PHKA2: variants seen among roughly 807,000 people sequenced by gnomAD.
PHKA2 encodes the protein phosphorylase kinase regulatory subunit alpha 2.
Under a neutral mutation model 102.0 loss-of-function variants are expected in PHKA2, and 31 were observed. That is an observed-to-expected ratio of 0.30 (90% CI 0.23 to 0.41). PHKA2 has a LOEUF of 0.41. PHKA2 is among the 10% of genes least tolerant of loss of function. The pLI is 1.00. For synonymous variants in PHKA2, 455 were observed against 416.2 expected (o/e 1.09, Z -1.13); for missense variants, 858 against 1,023.1 (o/e 0.84, Z 2.20).
chrX:18,902,906 C>T (rs775825445), intron 26 of PHKA2: 5 of 111,960 alleles, frequency 4.5e-5, no homozygotes, highest in South Asian at 7.4e-4. Context: ...GGTGAGACCT[C>T]GTATCTATAT....
chrX:18,906,818 G>A lies in PHKA2; in HGVS notation c.2598-4C>T, dbSNP rs781539015. ...GAGCTCCTCTGGGGGAAGGGGCCTAGAAAGGAGCATTGTGTCACGAATGTG... is the reference window on the plus strand; with the variant it reads ...GAGCTCCTCTGGGGGAAGGGGCCTAAAAAGGAGCATTGTGTCACGAATGTG... On this transcript the variant is annotated splice_region_variant and splice_polypyrimidine_tract_variant and intron_variant, in intron 23 of 32. Coordinates refer to ENST00000379942, the MANE Select transcript of PHKA2 (RefSeq NM_000292.3). The A allele has an allele frequency of 5.8e-6, 7 of 1,200,632 alleles. No individual in the cohort carries two copies. The African/African-American group carries it at 1.0e-4, about 18-fold the overall frequency.
At chrX:18,979,332 C>T (rs946408001) in intron 1 of PHKA2, among the ~76,000 whole-genome samples, 2 of 111,645 alleles carry the variant, frequency 1.8e-5, no homozygotes, top group Non-Finnish European at 3.8e-5. Context: ...AATTCCGTGG[C>T]CATTAAATAA....
intron 3 of PHKA2, 56 bp from the exon 4 acceptor site, chrX:18,951,328 G>A: frequency 8.8e-7 from 1 of 1,133,681 alleles, no homozygotes; most frequent in Non-Finnish European, 1.2e-6. Flanking sequence ...GGCTGGCAGA[G>A]ATCACGGCCA....
rs192611951 is a variant in PHKA2 at position 18,971,952 on chromosome X, T to A, written c.78+11903A>T. 4.6e-4 allele frequency among the ~76,000 whole-genome samples: 52 copies of A among 113,126 alleles called. No individual in the cohort carries two copies. The East Asian group carries it at 0.013, about 29-fold the overall frequency. On this transcript the variant is annotated intron_variant, in intron 1 of 32. Coordinates refer to ENST00000379942, the MANE Select transcript of PHKA2 (RefSeq NM_000292.3). ...AGCTCATCTTTTAGCCTTGTTTAGA[T>A]AAACTTCTTGTCATAAGAGGTTTTG...
intron 14 of PHKA2, among the ~76,000 whole-genome samples, 175 bp downstream of exon 14, chrX:18,926,278 G>A (rs947178762): frequency 1.2e-4 from 14 of 112,705 alleles, no homozygotes; most frequent in Non-Finnish European, 2.4e-4. Context: ...CACTGAACGG[G>A]TGTGAGAACG....
chrX:18,953,082 G>A (rs2048723832), intron 2 of PHKA2, among the ~76,000 whole-genome samples: 1 of 112,037 alleles, frequency 8.9e-6, no homozygotes, highest in Non-Finnish European at 1.9e-5. Context: ...GTTAATACAT[G>A]AGACACCATG....
chrX:18,959,391 G>A (rs1325571140), intron 1 of PHKA2, among the ~76,000 whole-genome samples: 1 of 111,619 alleles, frequency 9.0e-6, no homozygotes, highest in African/African-American at 3.3e-5. Context: ...AGCTAGGGGA[G>A]GAATCTGCAA....
intron 17 of PHKA2, among the ~76,000 whole-genome samples, chrX:18,923,735 C>T (rs973243583): frequency 3.6e-5 from 4 of 112,317 alleles, no homozygotes; most frequent in African/African-American, 1.3e-4. Flanking sequence ...TTCTTCCACA[C>T]CTTTTAACAG....
Position 18,924,118 on chromosome X carries a change from G to A in PHKA2, c.1731C>T (p.Asp577=), listed in dbSNP as rs973766473. ...TTGTGGAGAGCACAGCAGAATGAAT[G>A]TCTGAGCCATCATTTGCTAAGGAAA... ...SRTMLTNDGS[D]IHSAVLSTIR... The change falls in exon 17 of 33, where the codon GAC becomes GAT. Residue 577 remains aspartate, a synonymous_variant. Transcript: ENST00000379942. 6.6e-6 allele frequency: 8 copies of A among 1,203,976 alleles called. No homozygotes were observed. Among genetic ancestry groups the A allele is most frequent in the Non-Finnish European group, 7.9e-6 (7 of 888,252 alleles).
chrX:18,927,273 G>C (rs924537794), intron 13 of PHKA2, among the ~76,000 whole-genome samples: 15 of 112,346 alleles, frequency 1.3e-4, no homozygotes, highest in Non-Finnish European at 2.6e-4. Flanking sequence ...CCTGGGACCT[G>C]GGGGCCCATG....
chrX:18,948,895 T>A, intron 4 of PHKA2, 69 bp from the exon 5 acceptor site: 1 of 708,048 alleles, frequency 1.4e-6, no homozygotes, highest in Non-Finnish European at 2.3e-6. Flanking sequence ...ATTACAAATA[T>A]CACACTAGGA....
intron 20 of PHKA2, among the ~76,000 whole-genome samples, chrX:18,909,711 C>A (rs2047888462): frequency 8.9e-6 from 1 of 112,220 alleles, no homozygotes; most frequent in African/African-American, 3.2e-5. Context: ...TTGCTTTGAC[C>A]ACTTCTTCAG....
chrX:18,904,785 T>C (rs1031136255), intron 26 of PHKA2, among the ~76,000 whole-genome samples: 1 of 112,392 alleles, frequency 8.9e-6, no homozygotes, highest in East Asian at 2.8e-4. Flanking sequence ...AAAGGAATGA[T>C]AGCCCACAGT....
chrX:18,937,271 T>C (rs1410126270), intron 10 of PHKA2, among the ~76,000 whole-genome samples: 2 of 110,544 alleles, frequency 1.8e-5, no homozygotes, highest in Non-Finnish European at 3.8e-5. Flanking sequence ...CAACAAAGTA[T>C]GCTCAGGGCT....
Position 18,917,003 on chromosome X carries a change from T to C in PHKA2, c.2137+1678A>G, listed in dbSNP as rs556015527. Among the ~76,000 whole-genome samples the C allele has an allele frequency of 1.8e-4, 20 of 108,976 alleles. No individual in the cohort carries two copies. The South Asian group carries it at 7.7e-3, about 42-fold the overall frequency. The allele number at this position is 108,976 out of a possible 115,157, so 94.6% of individuals were successfully genotyped here. On this transcript the variant is annotated intron_variant, in intron 19 of 32. Coordinates refer to ENST00000379942, the MANE Select transcript of PHKA2 (RefSeq NM_000292.3). Reference sequence around the variant, plus strand: ...GATCCTCCTGCCTCAGACTCCCAAGTAGCTGGGACTACAGGCATGTGCCAC... The same window carrying C: ...GATCCTCCTGCCTCAGACTCCCAAGCAGCTGGGACTACAGGCATGTGCCAC...
At position 18,894,289 on chromosome X, in the gene PHKA2, G is replaced by A; in HGVS notation, c.3452C>T (p.Ser1151Leu). 4 of 1,211,301 alleles carry A rather than the reference G, an allele frequency of 3.3e-6. No homozygotes were observed. Among genetic ancestry groups the A allele is most frequent in the Non-Finnish European group, 2.2e-6 (2 of 895,149 alleles). Residue 1151 changes from serine to leucine, a missense_variant, in exon 32 of 33, where the codon TCG becomes TTG. Physicochemically the swap from Ser to Leu is moderately radical, Grantham distance 145 (BLOSUM62 -2). Coordinates refer to ENST00000379942, the MANE Select transcript of PHKA2 (RefSeq NM_000292.3). Reference protein sequence around the residue: ...VEAIMVLTLLSDTEMTSIGGI... With the variant: ...VEAIMVLTLLLDTEMTSIGGI... ...CCCGATGCTGGTCATCTCCGTGTCC[G>A]AGAGCAGCGTCAGCACCATGATGGC...
chrX:18,942,994 C>T (rs1160055741), intron 7 of PHKA2, among the ~76,000 whole-genome samples: 1 of 110,998 alleles, frequency 9.0e-6, no homozygotes, highest in Admixed American at 9.6e-5. Context: ...CCAACTGAGC[C>T]CAGGGCCCTG....
intron 5 of PHKA2, among the ~76,000 whole-genome samples, chrX:18,948,066 G>T (rs911030180): frequency 9.0e-6 from 1 of 111,660 alleles, no homozygotes; most frequent in African/African-American, 3.3e-5. Context: ...CTGCCCGGGT[G>T]ATGGGTGCAC....
intron 1 of PHKA2, among the ~76,000 whole-genome samples, chrX:18,970,320 T>C (rs141158818): frequency 1.8e-5 from 2 of 112,758 alleles, no homozygotes; most frequent in African/African-American, 6.4e-5. Context: ...AATTAACATA[T>C]GTATTGCCCT....
Sources: allele counts gnomAD v4.1 joint callset (sites outside exome capture counted in the v4.1 genomes callset), GRCh38; gene constraint gnomAD v4.1.1; transcripts MANE v1.5; gene names NCBI Gene and HGNC (gene_info 2026-07-23, HGNC 2026-07-21).